The following FOXP1 variants were observed in gnomAD, a reference collection of about 807,000 sequenced individuals.
FOXP1 encodes the protein forkhead box protein P1.
In FOXP1, 15 loss-of-function variants were observed where a neutral mutation model predicts 98.2. That is an observed-to-expected ratio of 0.15 (90% CI 0.10 to 0.24). The LOEUF is 0.24. Among genes scored for constraint, FOXP1 ranks in the 10% least tolerant of loss-of-function variants. FOXP1 has a pLI of 1.00. For missense variants in FOXP1, 633 were observed against 848.5 expected, an observed-to-expected ratio of 0.75 and a Z score of 3.15; for synonymous variants, 371 against 314.5, an observed-to-expected ratio of 1.18 and a Z score of -1.90.
intron 5 of FOXP1, among the ~76,000 whole-genome samples, chr3:71,224,221 T>C (rs2065647705): frequency 1.3e-5 from 2 of 152,096 alleles, no homozygotes; most frequent in African/African-American, 4.8e-5. Flanking sequence ...AACACTGGGA[T>C]TGATGAGCCC....
At chr3:71,522,158 T>C (rs1161503585) in intron 2 of FOXP1, among the ~76,000 whole-genome samples, 2 of 152,160 alleles carry the variant, frequency 1.3e-5, no homozygotes, top group Non-Finnish European at 2.9e-5. Context: ...AGAGAGACAC[T>C]GGCACCAAAA....
chr3:71,203,877 G>C (rs1267643696), intron 5 of FOXP1, among the ~76,000 whole-genome samples: 1 of 149,698 alleles, frequency 6.7e-6, no homozygotes, highest in Admixed American at 6.7e-5. Context: ...TCCATGTGCA[G>C]AGAAAAAAGG....
At position 71,414,042 on chromosome 3, in the gene FOXP1, G is replaced by T. The variant is rs1171997628; in HGVS notation, c.-167-54798C>A. On this transcript the variant is annotated intron_variant, in intron 3 of 20. Transcript: ENST00000649528. ...ATCCATCCCTTCCTAGGCTGCGGAGGCTCATGCTAAAGCCACCCACGGGTT... is the reference window on the plus strand; with the variant it reads ...ATCCATCCCTTCCTAGGCTGCGGAGTCTCATGCTAAAGCCACCCACGGGTT... Among the ~76,000 whole-genome samples the T allele has an allele frequency of 2.6e-5, 4 of 151,864 alleles. No homozygotes were observed. In the East Asian group the frequency reaches 7.7e-4, roughly 29 times the overall value.
intron 3 of FOXP1, among the ~76,000 whole-genome samples, chr3:71,458,365 T>C (rs778346479): frequency 1.4e-4 from 21 of 152,226 alleles, no homozygotes; most frequent in Non-Finnish European, 2.2e-4. Flanking sequence ...ACACATTACA[T>C]AGACACATGT....
rs147860354 is a variant in FOXP1, at chr3:71,411,902, C to A, written c.-167-52658G>T. Among the ~76,000 whole-genome samples the A allele has an allele frequency of 6.8e-3, 1,043 of 152,284 alleles. 14 individuals carry two copies. Among genetic ancestry groups the A allele is most frequent in the Middle Eastern group, 0.01 (3 of 294 alleles). ...AGCGGGCATCCCATTACCCATCCAC[C>A]GACTGAGACGTGGATATGTCAAATG... is the stretch of plus-strand genomic sequence containing the variant. On this transcript the variant is annotated intron_variant, in intron 3 of 20. Coordinates refer to ENST00000649528, the MANE Select transcript of FOXP1 (RefSeq NM_001349338.3).
At chr3:71,235,768 G>A (rs551545304) in intron 5 of FOXP1, among the ~76,000 whole-genome samples, 10 of 152,096 alleles carry the variant, frequency 6.6e-5, no homozygotes, top group South Asian at 2.1e-4. Context: ...GGGTTTCACC[G>A]TGTTAGCCAG....
chr3:71,085,000 T>C lies in FOXP1; in HGVS notation c.282+27536A>G, dbSNP rs75772819. On this transcript the variant is annotated intron_variant, in intron 7 of 20. Coordinates refer to ENST00000649528, the MANE Select transcript of FOXP1 (RefSeq NM_001349338.3). ...ATCAATCAATCATTGTTTAAATATA[T>C]GGATTTGGGCATAAAATAGTCATTC... Among the ~76,000 whole-genome samples, 615 of 152,364 alleles carry C rather than the reference T, an allele frequency of 4.0e-3. 3 individuals are homozygous for C. Among genetic ancestry groups the C allele is most frequent in the Non-Finnish European group, 7.2e-3 (488 of 68,034 alleles).
intron 3 of FOXP1, among the ~76,000 whole-genome samples, chr3:71,421,601 C>T (rs750419846): frequency 4.9e-4 from 75 of 152,222 alleles, no homozygotes; most frequent in Non-Finnish European, 8.2e-4. Context: ...CCACAATATG[C>T]AAACATCAGA....
Position 70,956,125 on chromosome 3 carries a change from T to C in FOXP1, c.*3122A>G. Reference sequence around the variant, plus strand: ...AGTTGCACAAAAAGCAAAGGTGTTTTGACAAACAGGTGTATGCATTTATTC... The same window carrying C: ...AGTTGCACAAAAAGCAAAGGTGTTTCGACAAACAGGTGTATGCATTTATTC... On this transcript the variant is annotated 3_prime_UTR_variant, in exon 21 of 21. Coordinates refer to ENST00000649528, the MANE Select transcript of FOXP1 (RefSeq NM_001349338.3). 1 of 233,286 alleles carries C rather than the reference T, an allele frequency of 4.3e-6. No individual in the cohort carries two copies. The highest frequency in any genetic ancestry group is 6.0e-5 in the East Asian group (1 of 16,572). 14.5% of individuals were successfully genotyped at this position (233,286 alleles called of 1,614,324 possible). A position where few individuals can be genotyped will look rare whatever the true frequency, so the allele number is the denominator to read the frequency against.
intron 5 of FOXP1, among the ~76,000 whole-genome samples, chr3:71,221,532 T>C (rs923522689): frequency 6.6e-6 from 1 of 152,146 alleles, no homozygotes; most frequent in African/African-American, 2.4e-5. Context: ...CTTCTGAAAA[T>C]AAGAGGCTGT....
chr3:71,084,634 C>A (rs1161507111), intron 7 of FOXP1, among the ~76,000 whole-genome samples: 1 of 152,176 alleles, frequency 6.6e-6, no homozygotes, highest in East Asian at 1.9e-4. Context: ...TGAGACCAGG[C>A]ATGTTAAAAT....
At chr3:71,125,580 T>C (rs1384758329) in intron 6 of FOXP1, among the ~76,000 whole-genome samples, 3 of 152,202 alleles carry the variant, frequency 2.0e-5, no homozygotes, top group Admixed American at 1.3e-4. Context: ...TAAGAGGGAA[T>C]CTGAAAAAAA....
chr3:71,098,228 A>G (rs138763683), intron 7 of FOXP1, among the ~76,000 whole-genome samples: 21 of 152,360 alleles, frequency 1.4e-4, no homozygotes, highest in African/African-American at 4.3e-4. Context: ...CCCTGCAAGT[A>G]TATTCCATCT....
chr3:71,582,665 G>A (rs2107907630), intron 1 of FOXP1: 1 of 985,378 alleles, frequency 1.0e-6, no homozygotes, highest in Non-Finnish European at 1.2e-6. Flanking sequence ...CGGGCGCGGC[G>A]ACTCCTCGCA....
chr3:71,440,924 A>T (rs1411651003), intron 3 of FOXP1, among the ~76,000 whole-genome samples: 1 of 152,178 alleles, frequency 6.6e-6, no homozygotes, highest in African/African-American at 2.4e-5. Context: ...TAAACAAGCA[A>T]AAGACCCTAC....
At chr3:71,556,644 T>C (rs2046161470) in intron 2 of FOXP1, among the ~76,000 whole-genome samples, 1 of 144,434 alleles carries the variant, frequency 6.9e-6, no homozygotes, top group Non-Finnish European at 1.5e-5. Context: ...CAAACTGCAA[T>C]GAAGTGGAAA....
At chr3:71,245,713 A>C (rs1366033340) in intron 5 of FOXP1, among the ~76,000 whole-genome samples, 1 of 151,988 alleles carries the variant, frequency 6.6e-6, no homozygotes, top group South Asian at 2.1e-4. Flanking sequence ...AGTCTTAACC[A>C]TTCATGCACC....
intron 6 of FOXP1, among the ~76,000 whole-genome samples, chr3:71,164,119 T>C (rs1397748364): frequency 6.6e-6 from 1 of 152,216 alleles, no homozygotes; most frequent in Non-Finnish European, 1.5e-5. Context: ...TATAATCAGA[T>C]GGTTTCTCTT....
chr3:71,534,236 G>A (rs1578056936), intron 2 of FOXP1, among the ~76,000 whole-genome samples: 1 of 152,190 alleles, frequency 6.6e-6, no homozygotes, highest in South Asian at 2.1e-4. Flanking sequence ...GGTGGCGTAC[G>A]CCTGTAATCC....
Sources: allele counts gnomAD v4.1 joint callset (sites outside exome capture counted in the v4.1 genomes callset), GRCh38; gene constraint gnomAD v4.1.1; transcripts MANE v1.5; gene names NCBI Gene and HGNC (gene_info 2026-07-23, HGNC 2026-07-21).